Variants in CFAP61 observed in about 807,000 individuals in gnomAD.
CFAP61 encodes cilia and flagella associated protein 61.
CFAP61 carries 107 observed loss-of-function variants against 135.6 expected under a neutral mutation model. The observed-to-expected ratio is 0.79, with a 90% CI of 0.67 to 0.93. The LOEUF (loss-of-function observed/expected upper bound fraction) is 0.93. Ranked by LOEUF, CFAP61 falls within the 40% of genes least tolerant of loss-of-function variation. The pLI, the probability that CFAP61 is intolerant of heterozygous loss-of-function variation, is 0.00. For synonymous variants in CFAP61, 575 were observed against 578.5 expected (o/e 0.99, Z 0.09); for missense variants, 1,507 against 1,556.2 (o/e 0.97, Z 0.53).
intron 13 of CFAP61, among the ~76,000 whole-genome samples, chr20:20,183,143 TTTTTC>T (rs1356876514): frequency 1.0e-5 from 1 of 96,014 alleles, no homozygotes; most frequent in Admixed American, 1.1e-4. Context: ...TTCTGATTTT[TTTTTC>T]TTTTCTTTTC....
chr20:20,234,127 T>C (rs897956268), intron 18 of CFAP61, among the ~76,000 whole-genome samples: 3 of 152,158 alleles, frequency 2.0e-5, no homozygotes, highest in South Asian at 2.1e-4. Flanking sequence ...AGTAGTTTAT[T>C]TGGGAGTGAT....
At chr20:20,294,655 G>A (rs1156801787) in intron 24 of CFAP61, among the ~76,000 whole-genome samples, 5 of 152,162 alleles carry the variant, frequency 3.3e-5, no homozygotes, top group East Asian at 1.9e-4. Flanking sequence ...AAGGTCGGGC[G>A]CGGTGGCTCA....
intron 22 of CFAP61, among the ~76,000 whole-genome samples, chr20:20,282,695 T>C (rs374849043): frequency 3.9e-5 from 6 of 152,156 alleles, no homozygotes; most frequent in East Asian, 3.9e-4. Context: ...TCCCAGCACA[T>C]TGGGAGACCT....
Position 20,277,358 on chromosome 20 carries a change from G to C in CFAP61, c.2696G>C (p.Arg899Pro). The C allele has an allele frequency of 1.2e-6, 2 of 1,614,136 alleles. No individual in the cohort carries two copies. The highest frequency in any genetic ancestry group is 1.7e-6 in the Non-Finnish European group (2 of 1,180,020). ...ALGAAGVTMYRDAILAQWNDG... is the reference protein window; with the variant it reads ...ALGAAGVTMYPDAILAQWNDG... The stretch of plus-strand genomic sequence containing the variant: ...GGAGCCGCCGGAGTCACTATGTACC[G>C]GGATGCGATCCTGGCCCAGTGGAAT... The change falls in exon 22 of 27, where the codon CGG becomes CCG. Residue 899 changes from arginine (R) to proline (P), a missense_variant. By Grantham distance (103) the Arg-to-Pro change is moderately radical. Coordinates refer to ENST00000245957, the MANE Select transcript of CFAP61 (RefSeq NM_015585.4).
At chr20:20,063,384 G>T (rs1355396785) in intron 2 of CFAP61, among the ~76,000 whole-genome samples, 34 of 152,132 alleles carry the variant, frequency 2.2e-4, no homozygotes, top group Admixed American at 2.2e-3. Context: ...AATTGGAAAG[G>T]AATCTAATGA....
intron 17 of CFAP61, among the ~76,000 whole-genome samples, chr20:20,207,526 C>T (rs553330361): frequency 6.6e-6 from 1 of 152,306 alleles, no homozygotes; most frequent in South Asian, 2.1e-4. Context: ...GCTGAGCTCC[C>T]AGGCAGAAAC....
At chr20:20,080,694 G>A (rs1281552561) in intron 6 of CFAP61, among the ~76,000 whole-genome samples, 5 of 152,112 alleles carry the variant, frequency 3.3e-5, no homozygotes, top group Non-Finnish European at 7.4e-5. Context: ...TCAGTGCTGA[G>A]TATTTTCAGT....
At chr20:20,251,207 T>C (rs1480304529) in intron 19 of CFAP61, among the ~76,000 whole-genome samples, 2 of 152,198 alleles carry the variant, frequency 1.3e-5, no homozygotes, top group African/African-American at 4.8e-5. Flanking sequence ...TTCTTCCTTC[T>C]CATTCCCATT....
At chr20:20,102,288 T>A (rs1038346975) in intron 8 of CFAP61, among the ~76,000 whole-genome samples, 4 of 152,212 alleles carry the variant, frequency 2.6e-5, no homozygotes, top group African/African-American at 9.6e-5. Flanking sequence ...CACTACTAGT[T>A]AGGTCTTTTC....
At position 20,098,747 on chromosome 20, in the gene CFAP61, A is replaced by G. The variant is rs1568897970; in HGVS notation, c.792A>G (p.Gly264=). 6.2e-7 allele frequency: 1 copy of G among 1,613,892 alleles called. No individual in the cohort carries two copies. Among genetic ancestry groups the G allele is most frequent in the Admixed American group, 1.7e-5 (1 of 59,946 alleles). The change falls in exon 8 of 27, where the codon GGA becomes GGG. Residue 264 remains glycine (G), a synonymous_variant. Coordinates refer to ENST00000245957, the MANE Select transcript of CFAP61 (RefSeq NM_015585.4). ...GCTTTGACTTGGGCCCTTTCCACGG[A>G]CTCTGTTTCCCACATCCTGATGACG... ...HECFDLGPFH[G]LCFPHPDDVL... is the part of the protein sequence containing the mutation.
chr20:20,257,224 G>A (rs184351113), intron 20 of CFAP61, among the ~76,000 whole-genome samples: 38 of 152,262 alleles, frequency 2.5e-4, no homozygotes, highest in Non-Finnish European at 4.4e-4. Flanking sequence ...TTTGAAAATA[G>A]CAGGTAGCCA....
intron 21 of CFAP61, among the ~76,000 whole-genome samples, chr20:20,275,476 T>G (rs534332454): frequency 6.6e-6 from 1 of 152,218 alleles, no homozygotes; most frequent in African/African-American, 2.4e-5. Flanking sequence ...ACCTTTGGAA[T>G]TGAAAAGTAT....
intron 13 of CFAP61, among the ~76,000 whole-genome samples, chr20:20,187,458 A>T (rs2055591297): frequency 6.6e-6 from 1 of 152,202 alleles, no homozygotes; most frequent in Non-Finnish European, 1.5e-5. Context: ...ATGAAGTCAA[A>T]GATAAAATTA....
intron 13 of CFAP61, among the ~76,000 whole-genome samples, chr20:20,182,867 G>A (rs925681505): frequency 1.3e-5 from 2 of 152,224 alleles, no homozygotes; most frequent in Admixed American, 6.5e-5. Flanking sequence ...GCAACAGGAG[G>A]AGATGTGAAG....
At chr20:20,296,485 C>T (rs957329801) in intron 24 of CFAP61, among the ~76,000 whole-genome samples, 2 of 146,252 alleles carry the variant, frequency 1.4e-5, no homozygotes, top group South Asian at 2.2e-4. Context: ...TTTTTCCTCC[C>T]TCCCTCCTTC....
chr20:20,284,779 A>G (rs1489857591), intron 22 of CFAP61, among the ~76,000 whole-genome samples: 1 of 152,192 alleles, frequency 6.6e-6, no homozygotes, highest in Non-Finnish European at 1.5e-5. Context: ...TATATCTTAC[A>G]TCTACAAACA....
At chr20:20,257,620 C>CAAAAAAAAAAAAAAAAA (rs147860452) in intron 20 of CFAP61, among the ~76,000 whole-genome samples, 1 of 58,254 alleles carries the variant, frequency 1.7e-5, no homozygotes. Context: ...TCAAAAAAAA[C>CAAAAAAAAAAAAAAAAA]AAAAAAACAA....
At chr20:20,205,073 GTTATATA>G (rs1211180910) in intron 17 of CFAP61, among the ~76,000 whole-genome samples, 1 of 151,676 alleles carries the variant, frequency 6.6e-6, no homozygotes, top group African/African-American at 2.4e-5. Context: ...AATATAATAT[GTTATATA>G]TTATATAAGT....
chr20:20,232,253 T>C (rs2049196199), intron 18 of CFAP61, among the ~76,000 whole-genome samples: 2 of 152,192 alleles, frequency 1.3e-5, no homozygotes. Context: ...GTGAACTCAC[T>C]ATAAAGTGAA....
Sources: allele counts gnomAD v4.1 joint callset (sites outside exome capture counted in the v4.1 genomes callset), GRCh38; gene constraint gnomAD v4.1.1; transcripts MANE v1.5; gene names NCBI Gene and HGNC (gene_info 2026-07-23, HGNC 2026-07-21).